HSD17B12: variants seen among roughly 807,000 people sequenced by gnomAD.
HSD17B12 encodes the protein hydroxysteroid 17-beta dehydrogenase 12.
Under a neutral mutation model 39.3 loss-of-function variants are expected in HSD17B12, and 32 were observed. The observed-to-expected ratio is 0.81, with a 90% CI of 0.61 to 1.09. The LOEUF (loss-of-function observed/expected upper bound fraction) is 1.09, where lower values mean the gene tolerates loss of function less well. Ranked by LOEUF, HSD17B12 falls within the 50% of genes least tolerant of loss-of-function variation. HSD17B12 has a pLI of 0.00. For synonymous variants in HSD17B12, 150 were observed against 146.7 expected, an observed-to-expected ratio of 1.02 and a Z score of -0.16; for missense variants, 342 against 382.9, an observed-to-expected ratio of 0.89 and a Z score of 0.89.
chr11:43,800,586 C>A (rs1049505772), intron 4 of HSD17B12, among the ~76,000 whole-genome samples: 1 of 152,132 alleles, frequency 6.6e-6, no homozygotes, highest in African/African-American at 2.4e-5. Flanking sequence ...CGTGACAGAT[C>A]TGTTAAGGAT....
intron 1 of HSD17B12, among the ~76,000 whole-genome samples, chr11:43,690,397 TATA>T (rs1240699922): frequency 4.9e-5 from 2 of 40,436 alleles, no homozygotes; most frequent in African/African-American, 2.8e-4. Flanking sequence ...TATATATATA[TATA>T]TATATTTTTT....
the HSD17B12 span, among the ~76,000 whole-genome samples, chr11:43,650,628 A>G: frequency 6.6e-6 from 1 of 152,148 alleles, no homozygotes; most frequent in African/African-American, 2.4e-5. Context: ...ATAGGTCTCT[A>G]AAGGAGGAAA....
chr11:43,560,588 C>T, the HSD17B12 span, among the ~76,000 whole-genome samples: 4 of 152,272 alleles, frequency 2.6e-5, no homozygotes, highest in South Asian at 6.2e-4. Context: ...CTACTTGCCC[C>T]GAGTCTCACT....
At chr11:43,770,647 A>T (rs1037969143) in intron 3 of HSD17B12, among the ~76,000 whole-genome samples, 1 of 152,176 alleles carries the variant, frequency 6.6e-6, no homozygotes, top group Admixed American at 6.5e-5. Flanking sequence ...GAGGTGGAGG[A>T]TTGCTTAAGC....
rs1485891190 is a variant in HSD17B12, at chr11:43,831,112, C to G, written c.536+102C>G. ...AAAATCACTGAAGTGACTAATGAAC[C>G]AAGCCTCCATGTCTTAGCCACAGAG... On this transcript the variant is annotated intron_variant, in intron 7 of 10. Transcript: ENST00000278353. The surrounding 1 kb of genome is among the most constrained non-coding windows in gnomAD (Gnocchi z 4.1). The G allele has an allele frequency of 8.3e-6, 9 of 1,079,602 alleles. No individual in the cohort carries two copies. The highest frequency in any genetic ancestry group is 1.2e-5 in the Non-Finnish European group (9 of 734,522). The allele number at this position is 1,079,602 out of a possible 1,614,324, so 66.9% of individuals were successfully genotyped here.
intron 3 of HSD17B12, among the ~76,000 whole-genome samples, chr11:43,755,751 A>G (rs2134952814): frequency 6.6e-6 from 1 of 152,212 alleles, no homozygotes; most frequent in South Asian, 2.1e-4. Context: ...TTTTGTTACT[A>G]TTTCTTTCCA....
At chr11:43,580,749 A>G in the HSD17B12 span, among the ~76,000 whole-genome samples, 1 of 151,804 alleles carries the variant, frequency 6.6e-6, no homozygotes, top group Non-Finnish European at 1.5e-5. Context: ...ATATTTTAAC[A>G]TGTTCCAGTC....
At chr11:43,677,386 A>G (rs908521475), upstream of HSD17B12, among the ~76,000 whole-genome samples, 8 of 152,206 alleles carry the variant, frequency 5.3e-5, no homozygotes, top group Admixed American at 6.5e-5. Flanking sequence ...CAGAGAAGGA[A>G]ACAAAAACTC....
chr11:43,654,222 G>A, the HSD17B12 span, among the ~76,000 whole-genome samples: 24 of 152,150 alleles, frequency 1.6e-4, no homozygotes, highest in South Asian at 4.1e-4. Flanking sequence ...CATATCCTTC[G>A]GCCACTTTTT....
intron 1 of HSD17B12, among the ~76,000 whole-genome samples, chr11:43,702,339 GCTGTAGCTAGGACTTC>G (rs1463307779): frequency 3.9e-5 from 6 of 152,068 alleles, no homozygotes; most frequent in African/African-American, 1.4e-4. Flanking sequence ...TAATCCAACT[GCTGTAGCTAGGACTTC>G]CAGTACTATG....
intron 1 of HSD17B12, among the ~76,000 whole-genome samples, chr11:43,710,834 A>C (rs2134834177): frequency 6.6e-6 from 1 of 152,262 alleles, no homozygotes; most frequent in African/African-American, 2.4e-5. Context: ...TCTGTTGCCC[A>C]GACTGGAGTA....
At chr11:43,714,809 G>A (rs1950105747) in intron 1 of HSD17B12, among the ~76,000 whole-genome samples, 1 of 152,136 alleles carries the variant, frequency 6.6e-6, no homozygotes, top group Admixed American at 6.5e-5. Flanking sequence ...TTGAGCAGTG[G>A]TTTGTAGTTC....
chr11:43,627,370 T>TA, the HSD17B12 span, among the ~76,000 whole-genome samples: 217 of 152,038 alleles, frequency 1.4e-3, no homozygotes, highest in Non-Finnish European at 2.5e-3. Context: ...GAGCTACAGA[T>TA]AAAAACTAAA....
At chr11:43,744,826 G>A (rs1052058081) in intron 1 of HSD17B12, among the ~76,000 whole-genome samples, 3 of 152,214 alleles carry the variant, frequency 2.0e-5, no homozygotes, top group Non-Finnish European at 4.4e-5. Context: ...TATGATGCAG[G>A]TATAGCAAAG....
At chr11:43,820,233 ATG>A (rs890140999) in intron 6 of HSD17B12, among the ~76,000 whole-genome samples, 4 of 152,174 alleles carry the variant, frequency 2.6e-5, no homozygotes, top group Non-Finnish European at 5.9e-5. Context: ...CTTCAAGTAG[ATG>A]TAAGGTGTGA....
At chr11:43,745,608 C>T (rs904653844) in intron 1 of HSD17B12, among the ~76,000 whole-genome samples, 2 of 152,154 alleles carry the variant, frequency 1.3e-5, no homozygotes, top group African/African-American at 4.8e-5. Context: ...TGGCCTAAAG[C>T]TCCTAGGCTA....
the HSD17B12 span, among the ~76,000 whole-genome samples, chr11:43,654,772 A>G: frequency 6.6e-6 from 1 of 152,218 alleles, no homozygotes; most frequent in Non-Finnish European, 1.5e-5. Flanking sequence ...TTTTGGTACC[A>G]GTACCATGCT....
At chr11:43,779,052 A>G (rs186236840) in intron 3 of HSD17B12, among the ~76,000 whole-genome samples, 1 of 152,312 alleles carries the variant, frequency 6.6e-6, no homozygotes, top group Admixed American at 6.5e-5. Context: ...ATATTTTAGA[A>G]TTTGGCAGTT....
At chr11:43,697,276 C>T (rs895689525) in intron 1 of HSD17B12, among the ~76,000 whole-genome samples, 5 of 152,038 alleles carry the variant, frequency 3.3e-5, no homozygotes, top group African/African-American at 1.2e-4. Context: ...TTACAGGAGC[C>T]GGCTATGGGG....
Sources: gnomAD v4.1 joint callset for allele counts (sites outside exome capture counted in the v4.1 genomes callset) on GRCh38, gnomAD v4.1.1 for gene constraint, Gnocchi (gnomAD v3.1) non-coding constraint, MANE v1.5 for transcripts, NCBI Gene and HGNC (gene_info 2026-07-23, HGNC 2026-07-21) for gene names.